RP9: variants seen among roughly 807,000 people sequenced by gnomAD.
The protein encoded by RP9 is RP9 pre-mRNA splicing factor.
A neutral mutation model predicts 32.6 loss-of-function variants in RP9; 23 were observed. The ratio of observed to expected loss-of-function variants is 0.71; its 90% CI spans 0.51 to 1.00. The LOEUF (loss-of-function observed/expected upper bound fraction) is 1.00, where lower values mean the gene tolerates loss of function less well. Ranked by LOEUF, RP9 falls within the 50% of genes least tolerant of loss-of-function variation. RP9 has a pLI of 0.00. For synonymous variants in RP9, 94 were observed against 103.6 expected (o/e 0.91, Z 0.56); for missense variants, 245 against 285.3 (o/e 0.86, Z 1.02).
Position 33,096,484 on chromosome 7 carries a change from C to T in RP9, c.467+9G>A, listed in dbSNP as rs376075857. The T allele has an allele frequency of 7.5e-6, 12 of 1,598,222 alleles. No homozygotes were observed. The highest frequency in any genetic ancestry group is 6.6e-5 in the South Asian group (6 of 90,774). ...TAAGGGGATATTGTTATCATCAGGA[C>T]GACCTCACCTTACGTCCTTTTCATG... On this transcript the variant is annotated intron_variant, in intron 5 of 5. Coordinates refer to ENST00000297157, the MANE Select transcript of RP9 (RefSeq NM_203288.2).
At position 33,109,190 on chromosome 7, in the gene RP9, G is replaced by A. The variant is rs1284246229; in HGVS notation, c.152+31C>T. 2.7e-6 allele frequency: 4 copies of A among 1,484,816 alleles called. No individual in the cohort carries two copies. The highest frequency in any genetic ancestry group is 1.5e-5 in the African/African-American group (1 of 68,034). 92.0% of individuals were successfully genotyped at this position (1,484,816 alleles called of 1,614,324 possible). A position where few individuals can be genotyped will look rare whatever the true frequency, so the allele number is the denominator to read the frequency against. On this transcript the variant is annotated intron_variant, in intron 1 of 5. Coordinates refer to ENST00000297157, the MANE Select transcript of RP9 (RefSeq NM_203288.2). This position sits in a 1 kb window ranked among gnomAD's most constrained non-coding sequence, Gnocchi z 4.9. ...CCCGGGCCCCTGGCTTCAGAAGACTGGCCGCGCGCGGACGGCAGCTCGGGA... is the reference window on the plus strand; with the variant it reads ...CCCGGGCCCCTGGCTTCAGAAGACTAGCCGCGCGCGGACGGCAGCTCGGGA...
intron 2 of RP9, 143 bp downstream of exon 2, chr7:33,100,388 T>C: frequency 1.3e-6 from 1 of 760,986 alleles, no homozygotes; most frequent in Non-Finnish European, 2.3e-6. Context: ...AACTAAAAAT[T>C]ATGACCCCTC....
At chr7:33,098,035 G>A (rs1254885191) in intron 3 of RP9, among the ~76,000 whole-genome samples, 1 of 152,076 alleles carries the variant, frequency 6.6e-6, no homozygotes, top group Non-Finnish European at 1.5e-5. Context: ...TTCTTTCTCA[G>A]GTTGAGTCTG....
chr7:33,100,455 A>G, intron 2 of RP9, 76 bp downstream of exon 2: 1 of 1,222,330 alleles, frequency 8.2e-7, no homozygotes, highest in South Asian at 1.2e-5. Context: ...ACATCATGCA[A>G]TTATTTTTCA....
intron 1 of RP9, among the ~76,000 whole-genome samples, chr7:33,108,413 C>T (rs1387715659): frequency 6.6e-6 from 1 of 152,232 alleles, no homozygotes; most frequent in Non-Finnish European, 1.5e-5. Context: ...ATATTGATGA[C>T]TTTGAGCTAT....
intron 3 of RP9, among the ~76,000 whole-genome samples, chr7:33,098,258 A>G (rs969697125): frequency 1.3e-5 from 2 of 152,132 alleles, no homozygotes; most frequent in African/African-American, 4.8e-5. Context: ...CTGGTGGCGC[A>G]TGCCTGTAGT....
chr7:33,101,690 C>T (rs1788427374), intron 1 of RP9, among the ~76,000 whole-genome samples: 1 of 151,970 alleles, frequency 6.6e-6, no homozygotes, highest in Non-Finnish European at 1.5e-5. Flanking sequence ...ACTACTAATC[C>T]CAGATCTGTT....
chr7:33,107,639 C>A (rs1788517362), intron 1 of RP9, among the ~76,000 whole-genome samples: 1 of 152,124 alleles, frequency 6.6e-6, no homozygotes, highest in Non-Finnish European at 1.5e-5. Context: ...TCAGAGCGGG[C>A]CACACTGGAA....
intron 3 of RP9, among the ~76,000 whole-genome samples, chr7:33,098,516 A>C (rs994533673): frequency 1.3e-5 from 2 of 152,204 alleles, no homozygotes; most frequent in African/African-American, 4.8e-5. Context: ...ACACGAATGA[A>C]TGAAAAGCAG....
At chr7:33,103,456 A>G (rs1034531161) in intron 1 of RP9, among the ~76,000 whole-genome samples, 7 of 152,016 alleles carry the variant, frequency 4.6e-5, no homozygotes, top group African/African-American at 1.7e-4. Flanking sequence ...AACAAACAAC[A>G]CCTTCTCTCT....
At chr7:33,097,794 A>G (rs1788361957) in intron 3 of RP9, among the ~76,000 whole-genome samples, 1 of 151,858 alleles carries the variant, frequency 6.6e-6, no homozygotes, top group African/African-American at 2.4e-5. Flanking sequence ...TAATTTTTGT[A>G]TTTTTAGCAG....
intron 1 of RP9, among the ~76,000 whole-genome samples, chr7:33,105,413 A>G (rs1788485000): frequency 6.6e-6 from 1 of 152,166 alleles, no homozygotes; most frequent in Non-Finnish European, 1.5e-5. Context: ...TCTTTTCCAC[A>G]AGTGGGCCAT....
chr7:33,100,862 A>T, intron 1 of RP9: 1 of 541,454 alleles, frequency 1.8e-6, no homozygotes, highest in South Asian at 1.7e-5. Context: ...GCAAGATGGG[A>T]AGGAAATTCT....
intron 1 of RP9, among the ~76,000 whole-genome samples, chr7:33,107,583 A>AG (rs1788516589): frequency 1.3e-5 from 2 of 152,192 alleles, no homozygotes; most frequent in East Asian, 1.9e-4. Flanking sequence ...CCCACAATGC[A>AG]GGGTCTCTAT....
At position 33,109,377 on chromosome 7, in the gene RP9, G is replaced by GCCCCCGCAGCGCCGCTCGGGCAA. The variant is rs930101999; in HGVS notation, c.-28_-6dup. On this transcript the variant is annotated 5_prime_UTR_variant, in exon 1 of 6. Transcript: ENST00000297157. The surrounding 1 kb of genome is among the most constrained non-coding windows in gnomAD (Gnocchi z 4.9). ...GCGCCCAGGCCGGGACGACATGTCAGCCCCCGCAGCGCCGCTCGGGCAACC... is the reference window on the plus strand; with the variant it reads ...GCGCCCAGGCCGGGACGACATGTCAGCCCCCGCAGCGCCGCTCGGGCAACCCCCGCAGCGCCGCTCGGGCAACC... The GCCCCCGCAGCGCCGCTCGGGCAA allele has an allele frequency of 1.8e-5, 25 of 1,367,064 alleles. No homozygotes were observed. Among genetic ancestry groups the GCCCCCGCAGCGCCGCTCGGGCAA allele is most frequent in the Admixed American group, 2.9e-5 (1 of 34,042 alleles). 84.7% of individuals were successfully genotyped at this position (1,367,064 alleles called of 1,614,324 possible). A position where few individuals can be genotyped will look rare whatever the true frequency, so the allele number is the denominator to read the frequency against.
chr7:33,095,600 A>AT (rs1788320368), intron 5 of RP9, among the ~76,000 whole-genome samples, 168 bp from the exon 6 acceptor site: 1 of 152,178 alleles, frequency 6.6e-6, no homozygotes, highest in East Asian at 1.9e-4. Context: ...CTGAATGCCT[A>AT]CTTTACGTGA....
intron 1 of RP9, among the ~76,000 whole-genome samples, chr7:33,104,652 C>T (rs79574819): frequency 1.3e-5 from 2 of 152,180 alleles, no homozygotes; most frequent in South Asian, 2.1e-4. Flanking sequence ...GATGTACTAT[C>T]GCCAAAACTG....
intron 1 of RP9, among the ~76,000 whole-genome samples, chr7:33,102,494 TA>T (rs963970779): frequency 2.0e-5 from 3 of 151,898 alleles, no homozygotes; most frequent in Non-Finnish European, 4.4e-5. Flanking sequence ...ATTCTCAAGA[TA>T]AAAAAAAGTT....
intron 3 of RP9, among the ~76,000 whole-genome samples, chr7:33,098,181 T>C (rs1306119514): frequency 6.6e-6 from 1 of 150,918 alleles, no homozygotes; most frequent in East Asian, 2.0e-4. Flanking sequence ...AGGCCAGGAG[T>C]TCGAGACTAG....
Sources: gnomAD v4.1 joint callset for allele counts (sites outside exome capture counted in the v4.1 genomes callset) on GRCh38, gnomAD v4.1.1 for gene constraint, Gnocchi (gnomAD v3.1) non-coding constraint, MANE v1.5 for transcripts, NCBI Gene and HGNC (gene_info 2026-07-23, HGNC 2026-07-21) for gene names.